Variants in PRDM1 observed in about 807,000 individuals in gnomAD.
The protein encoded by PRDM1 is PR domain zinc finger protein 1.
In PRDM1, 13 loss-of-function variants were observed where a neutral mutation model predicts 62.8. That is an observed-to-expected ratio of 0.21 (90% CI 0.13 to 0.33). The LOEUF is 0.33. Ranked by LOEUF, PRDM1 falls within the 10% of genes least tolerant of loss-of-function variation. PRDM1 has a pLI of 1.00. For missense variants in PRDM1, 895 were observed against 1,058.8 expected (o/e 0.85, Z 2.15); for synonymous variants, 396 against 417.6 (o/e 0.95, Z 0.63).
upstream of PRDM1, among the ~76,000 whole-genome samples, chr6:106,043,976 T>C (rs1016095637): frequency 6.6e-6 from 1 of 152,202 alleles, no homozygotes; most frequent in Admixed American, 6.5e-5. Context: ...AGGGAATCTT[T>C]TTCCATTTAG....
chr6:106,101,014 T>A lies in PRDM1; in HGVS notation c.664+1462T>A, dbSNP rs138337841. ...GGAACCATTCGGCTGTTGTGGCATC[T>A]GTGTATGCCATGCCCAGTGCTGAGG... is the stretch of plus-strand genomic sequence containing the variant. On this transcript the variant is annotated intron_variant, in intron 4 of 6. Transcript: ENST00000369096. 8.6e-4 allele frequency among the ~76,000 whole-genome samples: 131 copies of A among 152,222 alleles called. 1 individual carries two copies. Among genetic ancestry groups the A allele is most frequent in the African/African-American group, 2.9e-3 (122 of 41,534 alleles).
chr6:106,096,469 A>G (rs1430044996), intron 3 of PRDM1, among the ~76,000 whole-genome samples: 2 of 152,294 alleles, frequency 1.3e-5, no homozygotes, highest in Non-Finnish European at 2.9e-5. Flanking sequence ...GAATTACCTT[A>G]TAAGTAAATG....
At chr6:106,041,801 ATTTC>A (rs1211069767) in intron 1 of PRDM1, among the ~76,000 whole-genome samples, 2 of 144,634 alleles carry the variant, frequency 1.4e-5, no homozygotes, top group Non-Finnish European at 1.5e-5. Context: ...TCTTCCTAGT[ATTTC>A]TTTCTTTTTT....
At chr6:106,095,530 CT>C in intron 2 of PRDM1, 84 bp from the exon 3 acceptor site, 1 of 1,477,134 alleles carries the variant, frequency 6.8e-7, no homozygotes, top group Middle Eastern at 1.8e-4. Context: ...TGTATTACTA[CT>C]TGACAGTCCA....
In PRDM1 at chr6:106,105,503, G is replaced by A. The variant is rs2114655458; in HGVS notation, c.1343G>A (p.Ser448Asn). ...TTCCCGAGGCTGTGCCCTGTCTACA[G>A]CAATCTCCTCGGTGGGGGCAGCCTG... is the stretch of plus-strand genomic sequence containing the variant. ...GLFPRLCPVY[S>N]NLLGGGSLPH... Residue 448 changes from serine (S) to asparagine (N), a missense_variant, in exon 5 of 7, where the codon AGC becomes AAC. Coordinates refer to ENST00000369096, the MANE Select transcript of PRDM1 (RefSeq NM_001198.4). The A allele has an allele frequency of 6.2e-7, 1 of 1,614,034 alleles. No homozygotes were observed. Among genetic ancestry groups the A allele is most frequent in the Non-Finnish European group, 8.5e-7 (1 of 1,180,014 alleles).
intron 1 of PRDM1, among the ~76,000 whole-genome samples, chr6:106,060,953 A>G (rs1175932060): frequency 6.6e-6 from 1 of 152,166 alleles, no homozygotes; most frequent in Non-Finnish European, 1.5e-5. Context: ...GATGGCAACA[A>G]GCAGAGGTGT....
At position 106,106,274 on chromosome 6, in the gene PRDM1, C is replaced by A. The variant is rs192967659; in HGVS notation, c.1774-97C>A. On this transcript the variant is annotated intron_variant, in intron 5 of 6. Transcript: ENST00000369096. This position sits in a 1 kb window ranked among gnomAD's most constrained non-coding sequence, Gnocchi z 4.4. ...TTTTTAAGACTGTCTTGATGCTTTTCTTAAGATATTTGCATCAACACTTGA... is the reference window on the plus strand; with the variant it reads ...TTTTTAAGACTGTCTTGATGCTTTTATTAAGATATTTGCATCAACACTTGA... 1.3e-3 allele frequency: 1,931 copies of A among 1,491,152 alleles called. 7 individuals are homozygous for A. Among genetic ancestry groups the A allele is most frequent in the South Asian group, 1.7e-3 (134 of 79,152 alleles). The allele number at this position is 1,491,152 out of a possible 1,614,324, so 92.4% of individuals were successfully genotyped here. A position where few individuals can be genotyped will look rare whatever the true frequency, so the allele number is the denominator to read the frequency against.
chr6:105,993,189 T>A (rs1050736595), upstream of PRDM1, among the ~76,000 whole-genome samples: 6 of 152,232 alleles, frequency 3.9e-5, no homozygotes, highest in African/African-American at 1.4e-4. Flanking sequence ...TAATTATGCA[T>A]AACTCAGTAT....
chr6:106,033,346 T>A (rs1308090084), intron 1 of PRDM1, among the ~76,000 whole-genome samples: 2 of 148,526 alleles, frequency 1.3e-5, no homozygotes, highest in Non-Finnish European at 3.0e-5. Flanking sequence ...AGAGACAGAA[T>A]CTCTCTATAT....
At chr6:106,011,376 G>A (rs536146775) in intron 1 of PRDM1, among the ~76,000 whole-genome samples, 1 of 152,252 alleles carries the variant, frequency 6.6e-6, no homozygotes, top group East Asian at 1.9e-4. Context: ...AAGGCACTTA[G>A]GTCCTTTTGT....
intron 1 of PRDM1, among the ~76,000 whole-genome samples, chr6:106,052,286 A>T (rs748214995): frequency 1.3e-5 from 2 of 152,202 alleles, no homozygotes; most frequent in South Asian, 2.1e-4. Flanking sequence ...GGCTAACATG[A>T]TTAAGACATA....
In PRDM1 at chr6:106,107,537, A is replaced by G; in HGVS notation, c.*51A>G. The G allele has an allele frequency of 6.7e-7, 1 of 1,494,456 alleles. No homozygotes were observed. 92.6% of individuals were successfully genotyped at this position (1,494,456 alleles called of 1,614,324 possible). A position where few individuals can be genotyped will look rare whatever the true frequency, so the allele number is the denominator to read the frequency against. On this transcript the variant is annotated 3_prime_UTR_variant, in exon 7 of 7. Coordinates refer to ENST00000369096, the MANE Select transcript of PRDM1 (RefSeq NM_001198.4). The stretch of plus-strand genomic sequence containing the variant: ...TTCTTAAGTTATGACTTGGTGAGTC[A>G]GGGTGCCTGTAGGAAGTGGCTTGTA...
intron 1 of PRDM1, among the ~76,000 whole-genome samples, chr6:106,018,278 T>G (rs1398592315): frequency 2.0e-5 from 3 of 152,188 alleles, no homozygotes; most frequent in African/African-American, 7.2e-5. Flanking sequence ...TAATTTATAG[T>G]GTGTTAAGTA....
chr6:106,065,201 G>T (rs936180102), intron 1 of PRDM1, among the ~76,000 whole-genome samples: 1 of 151,902 alleles, frequency 6.6e-6, no homozygotes, highest in Non-Finnish European at 1.5e-5. Flanking sequence ...TTGCTATGTT[G>T]CCCGGGTGCT....
chr6:106,018,189 A>T (rs1772648375), intron 1 of PRDM1, among the ~76,000 whole-genome samples: 1 of 152,232 alleles, frequency 6.6e-6, no homozygotes, highest in South Asian at 2.1e-4. Context: ...ATAAAGCTAG[A>T]ATCAAAGATA....
At chr6:106,002,907 T>C (rs1428212661) in intron 1 of PRDM1, among the ~76,000 whole-genome samples, 1 of 152,194 alleles carries the variant, frequency 6.6e-6, no homozygotes, top group Non-Finnish European at 1.5e-5. Flanking sequence ...AGGAATAGAG[T>C]TGGCCATTCT....
chr6:106,034,059 T>C (rs1392097447), intron 1 of PRDM1, among the ~76,000 whole-genome samples: 2 of 152,202 alleles, frequency 1.3e-5, no homozygotes, highest in African/African-American at 4.8e-5. Flanking sequence ...CATGGTACTC[T>C]CTTTGAATCA....
At chr6:106,037,055 T>C (rs934231130) in intron 1 of PRDM1, among the ~76,000 whole-genome samples, 1 of 152,226 alleles carries the variant, frequency 6.6e-6, no homozygotes, top group African/African-American at 2.4e-5. Flanking sequence ...TTTTGGCATT[T>C]CTTGCAGGAC....
upstream of PRDM1, among the ~76,000 whole-genome samples, chr6:106,085,720 G>A (rs1299619174): frequency 6.6e-6 from 1 of 152,146 alleles, no homozygotes; most frequent in Non-Finnish European, 1.5e-5. Context: ...TCTGGGAGGA[G>A]AGGAAAGGAA....
Sources: gnomAD v4.1 joint callset for allele counts (sites outside exome capture counted in the v4.1 genomes callset) on GRCh38, gnomAD v4.1.1 for gene constraint, Gnocchi (gnomAD v3.1) non-coding constraint, MANE v1.5 for transcripts, NCBI Gene and HGNC (gene_info 2026-07-23, HGNC 2026-07-21) for gene names.